Variants in PLTP observed in about 807,000 individuals in gnomAD.
PLTP encodes the protein BPI fold containing family E.
Under a neutral mutation model 54.1 loss-of-function variants are expected in PLTP, and 43 were observed. The observed-to-expected ratio is 0.79, with a 90% CI of 0.62 to 1.02. The LOEUF is 1.02. Ranked by LOEUF, PLTP falls within the 50% of genes least tolerant of loss-of-function variation. The pLI is 0.00. For missense variants in PLTP, 604 were observed against 645.9 expected, an observed-to-expected ratio of 0.94 and a Z score of 0.70; for synonymous variants, 263 against 264.6, an observed-to-expected ratio of 0.99 and a Z score of 0.06.
intron 12 of PLTP, among the ~76,000 whole-genome samples, chr20:45,900,291 A>T (rs979676306): frequency 6.6e-6 from 1 of 150,656 alleles, no homozygotes; most frequent in East Asian, 2.0e-4. Context: ...TTTTTAGTAG[A>T]GACGGGGTTT....
rs930968489 is a variant in PLTP, at chr20:45,899,613, C to T, written c.1282+9G>A. The T allele has an allele frequency of 6.2e-7, 1 of 1,614,118 alleles. No individual in the cohort carries two copies. The highest frequency in any genetic ancestry group is 8.5e-7 in the Non-Finnish European group (1 of 1,180,002). ...CCTTTCTTCCTCCATCCTCACACCC[C>T]AGCCTTACCATTGAGCATGGGCATC... is the stretch of plus-strand genomic sequence containing the variant. On this transcript the variant is annotated intron_variant, in intron 14 of 15. Transcript: ENST00000372431.
chr20:45,902,652 G>A (rs1373809033), intron 10 of PLTP, 48 bp from the exon 11 acceptor site: 1 of 1,532,810 alleles, frequency 6.5e-7, no homozygotes, highest in African/African-American at 1.4e-5. Flanking sequence ...CATTTCCTTT[G>A]GAGCCCCCAG....
intron 12 of PLTP, among the ~76,000 whole-genome samples, chr20:45,901,175 T>C (rs1411867903): frequency 1.3e-5 from 2 of 152,224 alleles, no homozygotes; most frequent in African/African-American, 4.8e-5. Context: ...ACTGAAAAAC[T>C]ATTTAATTAT....
chr20:45,911,703 C>G (rs973090999), intron 1 of PLTP: 2 of 583,662 alleles, frequency 3.4e-6, no homozygotes, highest in African/African-American at 3.7e-5. Context: ...TTCCCAGTTC[C>G]CTCGTGCTAC....
Position 45,909,662 on chromosome 20 carries a change from C to T in PLTP, c.339G>A (p.Gly113=), listed in dbSNP as rs148516509. 3.7e-6 allele frequency: 6 copies of T among 1,614,138 alleles called. No individual in the cohort carries two copies. Among genetic ancestry groups the T allele is most frequent in the Non-Finnish European group, 5.1e-6 (6 of 1,180,014 alleles). Residue 113 remains glycine, a synonymous_variant, in exon 5 of 16, where the codon GGG becomes GGA. Transcript: ENST00000372431. ...CCTCAGCTGAGGCGTTGATGTAGCC[C>T]CCATCATAGCTGCCAGGGGGGTTAA... ...RQLLYWFFYD[G]GYINASAEGV... is the part of the protein sequence containing the mutation.
At chr20:45,899,171 A>G in intron 15 of PLTP, 108 bp from the exon 16 acceptor site, 1 of 1,482,700 alleles carries the variant, frequency 6.7e-7, no homozygotes, top group Non-Finnish European at 9.3e-7. Context: ...CTAATGGATA[A>G]TTCCATGTCA....
Position 45,911,173 on chromosome 20 carries a change from T to G in PLTP, c.179A>C (p.His60Pro). ...TIPDLRGKEG[H>P]FYYNISEVKV... Reference sequence around the variant, plus strand: ...TTACTCAGAGATGTTGTAGTAGAAGTGGCCTTCTTTGCCCCGCAGGTCCGG... The same window carrying G: ...TTACTCAGAGATGTTGTAGTAGAAGGGGCCTTCTTTGCCCCGCAGGTCCGG... The change falls in exon 3 of 16, where the codon CAC becomes CCC. Residue 60 changes from histidine to proline, a missense_variant. Transcript: ENST00000372431. The G allele has an allele frequency of 1.2e-6, 2 of 1,613,894 alleles. No homozygotes were observed. The highest frequency in any genetic ancestry group is 8.5e-7 in the Non-Finnish European group (1 of 1,179,802).
At chr20:45,899,810 C>CGG in intron 13 of PLTP, 26 bp downstream of exon 13, 2 of 1,134,800 alleles carry the variant, frequency 1.8e-6, no homozygotes, top group Non-Finnish European at 2.6e-6. Flanking sequence ...GAACCCAGCC[C>CGG]AGCCCACCCA....
chr20:45,902,271 G>T lies in PLTP; in HGVS notation c.1171C>A (p.Arg391Ser). Residue 391 changes from arginine to serine, a missense_variant, in exon 12 of 16, where the codon CGC (arginine) becomes AGC (serine). Arg to Ser is a moderately radical substitution (Grantham distance 110). Coordinates refer to ENST00000372431, the MANE Select transcript of PLTP (RefSeq NM_006227.4). ...CAGGGAAGTGCGCCTGCCTACCTGC[G>T]CAGGTCCAGCTGCGTGCGCAGGGCC... Reference protein sequence around the residue: ...GKALRTQLDLRRFRIYSNHSA... With the variant: ...GKALRTQLDLSRFRIYSNHSA... 6.2e-7 allele frequency: 1 copy of T among 1,613,852 alleles called. No homozygotes were observed. Among genetic ancestry groups the T allele is most frequent in the Non-Finnish European group, 8.5e-7 (1 of 1,179,984 alleles).
intron 12 of PLTP, 60 bp downstream of exon 12, chr20:45,902,207 C>G: frequency 6.4e-7 from 1 of 1,554,336 alleles, no homozygotes; most frequent in South Asian, 1.1e-5. Flanking sequence ...GCGCAACATC[C>G]CTGTGGACAG....
intron 15 of PLTP, 22 bp downstream of exon 15, chr20:45,899,440 T>A (rs2083152750): frequency 6.2e-7 from 1 of 1,612,892 alleles, no homozygotes; most frequent in African/African-American, 1.3e-5. Context: ...CCTCCCTCCT[T>A]CCCCATCCTG....
intron 13 of PLTP, 29 bp downstream of exon 13, chr20:45,899,807 G>GGCCCCCCC: frequency 2.2e-6 from 3 of 1,369,442 alleles, no homozygotes; most frequent in South Asian, 1.2e-5. Context: ...CACGAACCCA[G>GGCCCCCCC]CCCAGCCCAC....
chr20:45,899,759 G>A (rs1402467135), intron 13 of PLTP, 74 bp from the exon 14 acceptor site: 3 of 1,603,004 alleles, frequency 1.9e-6, no homozygotes, highest in Admixed American at 3.4e-5. Context: ...CAGGTGAGCA[G>A]TTATATGAGG....
At position 45,904,842 on chromosome 20, in the gene PLTP, G is replaced by A. The variant is rs1209131261; in HGVS notation, c.900C>T (p.Asp300=). ...CAAAGTAGGTGGCCCTCAGCAGCAT[G>A]TCCAGGTCGTGGGGCACCTGAACAG... The part of the protein sequence containing the change: ...LVGDKVPHDL[D]MLLRATYFGS... The change falls in exon 10 of 16, where the codon GAC becomes GAT. Residue 300 remains aspartate, a synonymous_variant. Transcript: ENST00000372431. 2.5e-6 allele frequency: 4 copies of A among 1,614,136 alleles called. No homozygotes were observed. Among genetic ancestry groups the A allele is most frequent in the South Asian group, 1.1e-5 (1 of 91,090 alleles).
chr20:45,909,698 A>G (rs1426277173), intron 4 of PLTP, 27 bp from the exon 5 acceptor site: 1 of 1,613,606 alleles, frequency 6.2e-7, no homozygotes, highest in Non-Finnish European at 8.5e-7. Context: ...TATTCACTCC[A>G]GGTAGGAGCT....
At position 45,909,650 on chromosome 20, in the gene PLTP, G is replaced by C; in HGVS notation, c.351C>G (p.Asn117Lys). The change falls in exon 5 of 16, where the codon AAC (asparagine) becomes AAG (lysine). Residue 117 changes from asparagine (N) to lysine (K), a missense_variant. Physicochemically the swap from Asn to Lys is moderately conservative, Grantham distance 94 (BLOSUM62 0). Coordinates refer to ENST00000372431, the MANE Select transcript of PLTP (RefSeq NM_006227.4). ...GGATGGACACACCCTCAGCTGAGGC[G>C]TTGATGTAGCCCCCATCATAGCTGC... ...YWFFYDGGYI[N>K]ASAEGVSIRT... 1.9e-6 allele frequency: 3 copies of C among 1,614,154 alleles called. No individual in the cohort carries two copies. Among genetic ancestry groups the C allele is most frequent in the Non-Finnish European group, 2.5e-6 (3 of 1,180,038 alleles).
At chr20:45,899,978 A>C in intron 12 of PLTP, 100 bp from the exon 13 acceptor site, 6 of 1,008,246 alleles carry the variant, frequency 6.0e-6, no homozygotes, top group Non-Finnish European at 9.2e-6. Flanking sequence ...TTGCAGGCTC[A>C]GATGCCCACC....
In PLTP at chr20:45,905,004, C is replaced by T. The variant is rs1568774092; in HGVS notation, c.820G>A (p.Asp274Asn). ...CGGAAGTAGCTCTCCATGGCAGAGT[C>T]GAAGAAGAACTCAGAGAAGGCCACA... is the stretch of plus-strand genomic sequence containing the variant. ...VYVAFSEFFFDSAMESYFRAG... is the reference protein window; with the variant it reads ...VYVAFSEFFFNSAMESYFRAG... The change falls in exon 9 of 16, where the codon GAC (aspartate) becomes AAC (asparagine). Residue 274 changes from aspartate (D) to asparagine (N), a missense_variant. Asp to Asn is a conservative substitution (Grantham distance 23). Coordinates refer to ENST00000372431, the MANE Select transcript of PLTP (RefSeq NM_006227.4). 18 of 1,614,078 alleles carry T rather than the reference C, an allele frequency of 1.1e-5. No individual in the cohort carries two copies. Among genetic ancestry groups the T allele is most frequent in the African/African-American group, 2.7e-5 (2 of 74,924 alleles).
Position 45,899,772 on chromosome 20 carries a change from G to C in PLTP, c.1218+64C>G, listed in dbSNP as rs73306280. The C allele has an allele frequency of 4.4e-3, 7,051 of 1,593,740 alleles. 264 individuals are homozygous for C. The African/African-American group carries it at 0.082, about 18-fold the overall frequency. ...CGCAGGTGAGCAGTTATATGAGGAG[G>C]GGGGGATGGTGAGGGTCAGGATCTC... On this transcript the variant is annotated intron_variant, in intron 13 of 15. Transcript: ENST00000372431.
Sources: allele counts gnomAD v4.1 joint callset (sites outside exome capture counted in the v4.1 genomes callset), GRCh38; gene constraint gnomAD v4.1.1; transcripts MANE v1.5; gene names NCBI Gene and HGNC (gene_info 2026-07-23, HGNC 2026-07-21).